The following NEO1 variants were observed in gnomAD, a reference collection of about 807,000 sequenced individuals.
NEO1 encodes the protein neogenin 1.
Under a neutral mutation model 159.7 loss-of-function variants are expected in NEO1, and 63 were observed. The ratio of observed to expected loss-of-function variants is 0.39; its 90% CI spans 0.32 to 0.49. NEO1 has a LOEUF of 0.49. Ranked by LOEUF, NEO1 falls within the 20% of genes least tolerant of loss-of-function variation. The pLI is 0.85. For missense variants in NEO1, 1,615 were observed against 1,831.0 expected (o/e 0.88, Z 2.15); for synonymous variants, 633 against 662.0 (o/e 0.96, Z 0.67).
chr15:73,103,488 G>A (rs2070512367), intron 1 of NEO1, among the ~76,000 whole-genome samples: 1 of 152,152 alleles, frequency 6.6e-6, no homozygotes, highest in South Asian at 2.1e-4. Context: ...TCATTTTGCA[G>A]GAATGTCCTC....
chr15:73,238,474 C>T (rs901237581), intron 8 of NEO1, among the ~76,000 whole-genome samples: 4 of 151,168 alleles, frequency 2.6e-5, no homozygotes, highest in Non-Finnish European at 4.4e-5. Context: ...ATAGATAATT[C>T]AAGTAATCAT....
chr15:73,236,184 C>T (rs765282804), intron 7 of NEO1, 163 bp from the exon 8 acceptor site: 275 of 868,568 alleles, frequency 3.2e-4, no homozygotes, highest in Non-Finnish European at 4.6e-4. Context: ...TATTTCCCAT[C>T]GTGGTTTTGT....
At position 73,122,689 on chromosome 15, in the gene NEO1, A is replaced by T. The variant is rs756634630; in HGVS notation, c.613A>T (p.Met205Leu). The change falls in exon 3 of 29, where the codon ATG (methionine) becomes TTG (leucine). Residue 205 changes from methionine (M) to leucine (L), a missense_variant. By Grantham distance (15) the Met-to-Leu change is conservative. This residue lies in a region of NEO1 where 1,018 missense variants were observed against 1,115.4 expected (regional missense o/e 0.91). Coordinates refer to ENST00000261908, the MANE Select transcript of NEO1 (RefSeq NM_002499.4). The stretch of plus-strand genomic sequence containing the variant: ...TAGAGTTATCAAACTTCCAAGTGGA[A>T]TGCTGGTTATCAGCAATGCAACTGA... Reference protein sequence around the residue: ...DDRVIKLPSGMLVISNATEGD... With the variant: ...DDRVIKLPSGLLVISNATEGD... 16 of 1,614,094 alleles carry T rather than the reference A, an allele frequency of 9.9e-6. No individual in the cohort carries two copies. In the African/African-American group the frequency reaches 2.1e-4, roughly 22 times the overall value.
At chr15:73,289,474 T>C (rs2042078479) in intron 25 of NEO1, among the ~76,000 whole-genome samples, 1 of 152,122 alleles carries the variant, frequency 6.6e-6, no homozygotes, top group Admixed American at 6.6e-5. Flanking sequence ...TGTCTCCAGA[T>C]TCCCAGGAAT....
chr15:73,052,712 AC>A lies in NEO1; in HGVS notation c.42del (p.Ser15ProfsTer58), dbSNP rs1311398403. ...GCGGGGAGCCCGGCGACTCCTCAGCACCCCCTCCTTCTGGCTCTACTGCCTG... is the reference window on the plus strand; with the variant it reads ...GCGGGGAGCCCGGCGACTCCTCAGCACCCCTCCTTCTGGCTCTACTGCCTG... ...AERGARRLLS[T>X]PSFWLYCLLL... is the part of the protein sequence containing the mutation. On this transcript the variant is annotated frameshift_variant, in exon 1 of 29. Coordinates refer to ENST00000261908, the MANE Select transcript of NEO1 (RefSeq NM_002499.4). LOFTEE classifies it high-confidence loss of function. 5.2e-6 allele frequency: 7 copies of A among 1,354,342 alleles called. No individual in the cohort carries two copies. Among genetic ancestry groups the A allele is most frequent in the Admixed American group, 5.4e-5 (2 of 36,808 alleles). 83.9% of individuals were successfully genotyped at this position (1,354,342 alleles called of 1,614,324 possible).
intron 5 of NEO1, among the ~76,000 whole-genome samples, chr15:73,156,734 G>A (rs568079636): frequency 6.6e-6 from 1 of 152,284 alleles, no homozygotes; most frequent in South Asian, 2.1e-4. Flanking sequence ...GTCCCAGATG[G>A]TGGATTGAGT....
At chr15:73,073,579 C>T (rs2068635209) in intron 1 of NEO1, among the ~76,000 whole-genome samples, 2 of 152,000 alleles carry the variant, frequency 1.3e-5, no homozygotes, top group Non-Finnish European at 2.9e-5. Flanking sequence ...TGGGAGAACA[C>T]GGGGTTTTGA....
Position 73,187,578 on chromosome 15 carries a change from G to T in NEO1, c.1291+9151G>T, listed in dbSNP as rs983422354. Among the ~76,000 whole-genome samples, 4 of 152,066 alleles carry T rather than the reference G, an allele frequency of 2.6e-5. No individual in the cohort carries two copies. In the South Asian group the frequency reaches 8.3e-4, roughly 32 times the overall value. ...ATACTTCAGGCTTTACCTGACATTT[G>T]GTCTCTGTTTACATTGCTCACCTCT... On this transcript the variant is annotated intron_variant, in intron 7 of 28. Coordinates refer to ENST00000261908, the MANE Select transcript of NEO1 (RefSeq NM_002499.4).
At chr15:73,124,156 G>A (rs962084874) in intron 3 of NEO1, among the ~76,000 whole-genome samples, 2 of 152,118 alleles carry the variant, frequency 1.3e-5, no homozygotes, top group Admixed American at 1.3e-4. Context: ...TTGATCTCCT[G>A]GGCTCAAGTG....
intron 27 of NEO1, among the ~76,000 whole-genome samples, chr15:73,300,542 C>T (rs2042572935): frequency 6.6e-6 from 1 of 152,136 alleles, no homozygotes; most frequent in African/African-American, 2.4e-5. Flanking sequence ...CCAGCCTGGC[C>T]ACCATGGTGA....
chr15:73,108,357 G>A (rs1409723541), intron 1 of NEO1, among the ~76,000 whole-genome samples: 1 of 152,082 alleles, frequency 6.6e-6, no homozygotes, highest in Non-Finnish European at 1.5e-5. Context: ...GGTACTTTAA[G>A]AAGTTACATA....
At chr15:73,102,649 C>G (rs2070466412) in intron 1 of NEO1, among the ~76,000 whole-genome samples, 1 of 152,272 alleles carries the variant, frequency 6.6e-6, no homozygotes, top group Middle Eastern at 3.4e-3. Context: ...TTGGGATGCC[C>G]TGTTCTCTTG....
intron 1 of NEO1, among the ~76,000 whole-genome samples, chr15:73,093,567 G>A (rs962669527): frequency 6.8e-6 from 1 of 146,684 alleles, no homozygotes; most frequent in Non-Finnish European, 1.5e-5. Context: ...ACCATGGGAA[G>A]TTCCTTTTTT....
At chr15:73,119,091 C>T (rs565901744) in intron 2 of NEO1, among the ~76,000 whole-genome samples, 1 of 152,068 alleles carries the variant, frequency 6.6e-6, no homozygotes, top group Non-Finnish European at 1.5e-5. Context: ...AGCAGTTCCA[C>T]TTGTAGGTGT....
rs1363534079 is a variant in NEO1, at chr15:73,146,515, T to C, written c.1015+10488T>C. ...ATCCTTTATTGGGGCCTTAATCATT[T>C]TGGATTGGTTTGCAGTTCTTCTTAG... On this transcript the variant is annotated intron_variant, in intron 5 of 28. Transcript: ENST00000261908. 9.2e-5 allele frequency among the ~76,000 whole-genome samples: 14 copies of C among 152,338 alleles called. No homozygotes were observed. The East Asian group carries it at 2.7e-3, about 29-fold the overall frequency.
chr15:73,225,281 C>A (rs189084285), intron 7 of NEO1, among the ~76,000 whole-genome samples: 1 of 152,226 alleles, frequency 6.6e-6, no homozygotes, highest in Non-Finnish European at 1.5e-5. Context: ...GCTGGTTGCC[C>A]TCCTGCCGGG....
intron 28 of NEO1, among the ~76,000 whole-genome samples, chr15:73,302,220 A>G (rs1595807040): frequency 6.6e-6 from 1 of 152,188 alleles, no homozygotes; most frequent in East Asian, 1.9e-4. Flanking sequence ...TTCACTCTCA[A>G]ACTCCAGTAA....
intron 1 of NEO1, among the ~76,000 whole-genome samples, chr15:73,056,858 A>C (rs1386313477): frequency 6.6e-6 from 1 of 152,186 alleles, no homozygotes; most frequent in African/African-American, 2.4e-5. Context: ...ATCTAAAAGA[A>C]AAGACTGATG....
At chr15:73,279,057 G>GA (rs902746764) in intron 22 of NEO1, among the ~76,000 whole-genome samples, 44 of 152,254 alleles carry the variant, frequency 2.9e-4, no homozygotes, top group African/African-American at 8.2e-4. Context: ...CTAATTGTAG[G>GA]AATACGATGA....
Sources: allele counts gnomAD v4.1 joint callset (sites outside exome capture counted in the v4.1 genomes callset), GRCh38; gene constraint gnomAD v4.1.1; regional missense constraint gnomAD v4.1.1; transcripts MANE v1.5; gene names NCBI Gene and HGNC (gene_info 2026-07-23, HGNC 2026-07-21).